The following KLHL14 variants were observed in gnomAD, a reference collection of about 807,000 sequenced individuals.
The protein encoded by KLHL14 is kelch-like protein 14.
In KLHL14, 22 loss-of-function variants were observed where a neutral mutation model predicts 64.3. The observed-to-expected ratio is 0.34, with a 90% CI of 0.24 to 0.49. The LOEUF is 0.49. Ranked by LOEUF, KLHL14 falls within the 20% of genes least tolerant of loss-of-function variation. KLHL14 has a pLI of 0.99. For missense variants in KLHL14, 661 were observed against 789.0 expected (o/e 0.84, Z 1.94); for synonymous variants, 322 against 333.4 (o/e 0.97, Z 0.37).
intron 3 of KLHL14, among the ~76,000 whole-genome samples, chr18:32,731,177 T>C (rs2050135437): frequency 6.6e-6 from 1 of 152,222 alleles, no homozygotes; most frequent in South Asian, 2.1e-4. Flanking sequence ...AAAATGTAGG[T>C]TTAGTTAATG....
Position 32,696,620 on chromosome 18 carries a change from A to C in KLHL14, c.1070-1068T>G, listed in dbSNP as rs368103291. ...GACACGGATCAACAGAGCACTTAAG[A>C]AACCAGTGCAGTGGGAAATCAATAT... On this transcript the variant is annotated intron_variant, in intron 3 of 8. Coordinates refer to ENST00000359358, the MANE Select transcript of KLHL14 (RefSeq NM_020805.3). 1.0e-3 allele frequency among the ~76,000 whole-genome samples: 158 copies of C among 152,186 alleles called. No individual in the cohort carries two copies. In the Middle Eastern group the frequency reaches 0.028, roughly 27 times the overall value.
At chr18:32,751,803 T>G (rs965542815) in intron 2 of KLHL14, among the ~76,000 whole-genome samples, 1 of 152,194 alleles carries the variant, frequency 6.6e-6, no homozygotes, top group African/African-American at 2.4e-5. Context: ...CAATAAATGT[T>G]TGTTGTATAA....
intron 5 of KLHL14, among the ~76,000 whole-genome samples, chr18:32,684,374 T>C (rs913226704): frequency 2.6e-5 from 4 of 152,186 alleles, no homozygotes; most frequent in Admixed American, 2.6e-4. Context: ...TCTATTCTTT[T>C]GGAAGGGTTG....
In KLHL14 at chr18:32,770,844, T is replaced by C. The variant is rs1183694762; in HGVS notation, c.-43-210A>G. ...TCCGTGAGCGCCACCAGAAGGGCCC[T>C]GTCTGGGGTCCCGGCGCCGGTTCTG... On this transcript the variant is annotated intron_variant, in intron 1 of 8. Transcript: ENST00000359358. This position sits in a 1 kb window ranked among gnomAD's most constrained non-coding sequence, Gnocchi z 6.7. 4.2e-6 allele frequency: 2 copies of C among 475,122 alleles called. No individual in the cohort carries two copies. Among genetic ancestry groups the C allele is most frequent in the Non-Finnish European group, 7.5e-6 (2 of 266,562 alleles). 29.4% of individuals were successfully genotyped at this position (475,122 alleles called of 1,614,324 possible). A position where few individuals can be genotyped will look rare whatever the true frequency, so the allele number is the denominator to read the frequency against.
chr18:32,745,507 T>A (rs192413947), intron 2 of KLHL14: 50 of 152,328 alleles, frequency 3.3e-4, no homozygotes, highest in African/African-American at 1.1e-3. Flanking sequence ...ATAGCTGTTA[T>A]AAGAAGGTAC....
intron 3 of KLHL14, among the ~76,000 whole-genome samples, chr18:32,709,521 C>T (rs993681973): frequency 5.9e-5 from 9 of 151,836 alleles, no homozygotes; most frequent in African/African-American, 1.9e-4. Flanking sequence ...GATCATATCT[C>T]ACAGCAGCCT....
At chr18:32,681,373 C>A (rs187864761) in intron 5 of KLHL14, among the ~76,000 whole-genome samples, 59 of 151,976 alleles carry the variant, frequency 3.9e-4, no homozygotes, top group African/African-American at 1.4e-3. Context: ...ACACTGAGGA[C>A]CTGAATTAGA....
intron 3 of KLHL14, among the ~76,000 whole-genome samples, chr18:32,736,217 A>G (rs568647625): frequency 2.0e-5 from 3 of 152,282 alleles, no homozygotes; most frequent in African/African-American, 7.2e-5. Context: ...CAGTATTTGG[A>G]GTGACCACCA....
chr18:32,762,966 C>A (rs913569682), intron 2 of KLHL14, among the ~76,000 whole-genome samples: 1 of 152,186 alleles, frequency 6.6e-6, no homozygotes, highest in African/African-American at 2.4e-5. Flanking sequence ...ATTCCAACTT[C>A]TACCTGGTTA....
At chr18:32,705,202 T>C (rs1258982785) in intron 3 of KLHL14, among the ~76,000 whole-genome samples, 4 of 152,262 alleles carry the variant, frequency 2.6e-5, no homozygotes, top group East Asian at 1.9e-4. Context: ...ATAAGTTCTA[T>C]TGTTCTATAT....
chr18:32,739,428 T>G (rs1338163615), intron 3 of KLHL14, among the ~76,000 whole-genome samples: 1 of 151,970 alleles, frequency 6.6e-6, no homozygotes, highest in Non-Finnish European at 1.5e-5. Context: ...CTAGGTAAAC[T>G]TTCTACATTT....
chr18:32,769,613 C>A (rs376675173), intron 2 of KLHL14, 32 bp downstream of exon 2: 5 of 1,169,512 alleles, frequency 4.3e-6, no homozygotes, highest in Middle Eastern at 3.1e-4. Flanking sequence ...TCTACCCCCC[C>A]CTCCCCCGCC....
intron 3 of KLHL14, among the ~76,000 whole-genome samples, chr18:32,718,891 G>A (rs185812037): frequency 9.9e-5 from 15 of 152,156 alleles, no homozygotes; most frequent in East Asian, 3.9e-4. Flanking sequence ...AAATGGTACC[G>A]GCTATTTTCA....
rs1249764527 is a variant in KLHL14 at position 32,687,235 on chromosome 18, T to G, written c.1160-2A>C. On this transcript the variant is annotated splice_acceptor_variant, in intron 4 of 8. Coordinates refer to ENST00000359358, the MANE Select transcript of KLHL14 (RefSeq NM_020805.3). LOFTEE classifies it high-confidence loss of function. ...TGACAAAATTTGTACTGTGTTTTCC[T>G]GTAAAAATGCATTCGAGACATTTAA... 1 of 1,610,686 alleles carries G rather than the reference T, an allele frequency of 6.2e-7. No homozygotes were observed. Among genetic ancestry groups the G allele is most frequent in the East Asian group, 2.2e-5 (1 of 44,856 alleles).
At chr18:32,772,316 C>T (rs1010914331) in intron 1 of KLHL14, 2 of 293,986 alleles carry the variant, frequency 6.8e-6, no homozygotes, top group African/African-American at 2.2e-5. Context: ...CGCGCTCCCT[C>T]CGCCGGCAGC....
At chr18:32,692,083 A>G (rs1011596064) in intron 4 of KLHL14, among the ~76,000 whole-genome samples, 2 of 152,244 alleles carry the variant, frequency 1.3e-5, no homozygotes, top group East Asian at 1.9e-4. Flanking sequence ...GAATATGATC[A>G]TGCATTCCTA....
chr18:32,755,955 G>C (rs2050279509), intron 2 of KLHL14, among the ~76,000 whole-genome samples: 2 of 152,082 alleles, frequency 1.3e-5, no homozygotes, highest in Admixed American at 1.3e-4. Context: ...AGATAACTTT[G>C]CTTGTATGGA....
At position 32,748,736 on chromosome 18, in the gene KLHL14, G is replaced by A. The variant is rs879723839; in HGVS notation, c.948-6687C>T. ...GCCTCCTGACCTCAAGTGATCCCCCGACCTCGGTCTCCCAAAGTGTTAGGA... is the reference window on the plus strand; with the variant it reads ...GCCTCCTGACCTCAAGTGATCCCCCAACCTCGGTCTCCCAAAGTGTTAGGA... On this transcript the variant is annotated intron_variant, in intron 2 of 8. Coordinates refer to ENST00000359358, the MANE Select transcript of KLHL14 (RefSeq NM_020805.3). 4.7e-5 allele frequency among the ~76,000 whole-genome samples: 7 copies of A among 149,002 alleles called. No homozygotes were observed. In the Admixed American group the frequency reaches 4.7e-4, roughly 10 times the overall value.
intron 3 of KLHL14, among the ~76,000 whole-genome samples, chr18:32,735,022 A>C (rs2050157436): frequency 6.6e-6 from 1 of 152,226 alleles, no homozygotes; most frequent in African/African-American, 2.4e-5. Flanking sequence ...TGTCACTTAC[A>C]CGTCATAATT....
Sources: gnomAD v4.1 joint callset for allele counts (sites outside exome capture counted in the v4.1 genomes callset) on GRCh38, gnomAD v4.1.1 for gene constraint, Gnocchi (gnomAD v3.1) non-coding constraint, MANE v1.5 for transcripts, NCBI Gene and HGNC (gene_info 2026-07-23, HGNC 2026-07-21) for gene names.